Variants in MAP3K4 observed in about 807,000 individuals in gnomAD.
MAP3K4 encodes MAP three kinase 1.
MAP3K4 carries 67 observed loss-of-function variants against 185.6 expected under a neutral mutation model. The ratio of observed to expected loss-of-function variants is 0.36; its 90% CI spans 0.30 to 0.44. The LOEUF (loss-of-function observed/expected upper bound fraction) is 0.44, where lower values mean the gene tolerates loss of function less well. Ranked by LOEUF, MAP3K4 falls within the 20% of genes least tolerant of loss-of-function variation. The pLI, the probability that MAP3K4 is intolerant of heterozygous loss-of-function variation, is 1.00. For missense variants in MAP3K4, 1,551 were observed against 1,995.1 expected (o/e 0.78, Z 4.24); for synonymous variants, 702 against 710.4 (o/e 0.99, Z 0.19).
chr6:161,036,710 G>T (rs1214096761), intron 2 of MAP3K4, among the ~76,000 whole-genome samples: 3 of 152,134 alleles, frequency 2.0e-5, no homozygotes, highest in Admixed American at 1.3e-4. Flanking sequence ...CACCTCAAAA[G>T]AATTATCTTT....
chr6:161,019,831 A>G (rs1386234887), intron 1 of MAP3K4, among the ~76,000 whole-genome samples: 1 of 152,238 alleles, frequency 6.6e-6, no homozygotes, highest in Non-Finnish European at 1.5e-5. Context: ...TATGTTAACC[A>G]TTTAAAAAAA....
In MAP3K4 at chr6:161,071,358, T is replaced by C. The variant is rs1425829693; in HGVS notation, c.1950+508T>C. Among the ~76,000 whole-genome samples the C allele has an allele frequency of 3.3e-5, 5 of 152,158 alleles. No individual in the cohort carries two copies. Among genetic ancestry groups the C allele is most frequent in the Non-Finnish European group, 7.3e-5 (5 of 68,030 alleles). On this transcript the variant is annotated intron_variant, in intron 4 of 26. Coordinates refer to ENST00000392142, the MANE Select transcript of MAP3K4 (RefSeq NM_005922.4). This position sits in a 1 kb window ranked among gnomAD's most constrained non-coding sequence, Gnocchi z 4.6. ...ATCCCAGGAGCAGCAGCGGAATGGG[T>C]GGAAGCAGTTGTATCCAGCAGAGTG...
chr6:161,058,895 T>A (rs745435800), intron 3 of MAP3K4, among the ~76,000 whole-genome samples: 2 of 152,336 alleles, frequency 1.3e-5, no homozygotes, highest in Non-Finnish European at 2.9e-5. Context: ...GTGTAAACAA[T>A]GTAGCCACAG....
rs1362807293 is a variant in MAP3K4 at position 161,080,102 on chromosome 6, G to T, written c.2098-779G>T. Among the ~76,000 whole-genome samples the T allele has an allele frequency of 6.6e-6, 1 of 152,192 alleles. No homozygotes were observed. The highest frequency in any genetic ancestry group is 1.5e-5 in the Non-Finnish European group (1 of 68,034). On this transcript the variant is annotated intron_variant, in intron 5 of 26. Transcript: ENST00000392142. This position sits in a 1 kb window ranked among gnomAD's most constrained non-coding sequence, Gnocchi z 4.8. The stretch of plus-strand genomic sequence containing the variant: ...TCACGCTGAGTCACACTCGGGGTTG[G>T]AAGGGAGTGGAGTGATGTCTGAAAA...
rs1315559451 is a variant in MAP3K4 at position 161,017,978 on chromosome 6, A to G, written c.153-16281A>G. Among the ~76,000 whole-genome samples the G allele has an allele frequency of 6.6e-6, 1 of 152,210 alleles. No individual in the cohort carries two copies. Among genetic ancestry groups the G allele is most frequent in the Non-Finnish European group, 1.5e-5 (1 of 68,036 alleles). On this transcript the variant is annotated intron_variant, in intron 1 of 26. Transcript: ENST00000392142. This position sits in a 1 kb window ranked among gnomAD's most constrained non-coding sequence, Gnocchi z 5.1. ...ACTCTTCTTACGCTATTTGGAATAG[A>G]CTTGAGTATAGAGTGACTGTTTCAG... is the stretch of plus-strand genomic sequence containing the variant.
chr6:161,084,594 C>T lies in MAP3K4; in HGVS notation c.2349C>T (p.Asp783=), dbSNP rs570454695. Residue 783 remains aspartate, a synonymous_variant, in exon 7 of 27, where the codon GAC becomes GAT. Coordinates refer to ENST00000392142, the MANE Select transcript of MAP3K4 (RefSeq NM_005922.4). This position sits in a 1 kb window ranked among gnomAD's most constrained non-coding sequence, Gnocchi z 4.6. ...SCAEFWTSAD[D]SSASDEIRRS... is the part of the protein sequence containing the mutation. ...CTGAATTTTGGACTAGTGCGGATGA[C>T]AGCAGTGCTTCCGACGAAATCAGGT... 1.1e-5 allele frequency: 17 copies of T among 1,607,554 alleles called. No individual in the cohort carries two copies. The highest frequency in any genetic ancestry group is 2.2e-5 in the South Asian group (2 of 90,928).
chr6:161,106,595 G>A lies in MAP3K4; in HGVS notation c.3938G>A (p.Arg1313Lys), dbSNP rs1252731686. The A allele has an allele frequency of 1.9e-6, 3 of 1,613,824 alleles. No individual in the cohort carries two copies. In the African/African-American group the frequency reaches 4.0e-5, roughly 22 times the overall value. ...LFEEKRYREM[R>K]RKNIIGQVCD... is the part of the protein sequence containing the mutation. ...GAAGAAAAGAGGTACCGAGAAATGAGGAGAAAGAATATCATTGGTCAAGTT... is the reference window on the plus strand; with the variant it reads ...GAAGAAAAGAGGTACCGAGAAATGAAGAGAAAGAATATCATTGGTCAAGTT... Residue 1313 changes from arginine (R) to lysine (K), a missense_variant, in exon 20 of 27, where the codon AGG becomes AAG. Arg to Lys is a conservative substitution (Grantham distance 26). Transcript: ENST00000392142. This position sits in a 1 kb window ranked among gnomAD's most constrained non-coding sequence, Gnocchi z 4.9.
chr6:161,112,520 G>A lies in MAP3K4; in HGVS notation c.4520-148G>A. ...ACCTAAAAAGTTTGTTCAACAAGTTGACTTGAACTGTCTGTAAATTTTTGA... is the reference window on the plus strand; with the variant it reads ...ACCTAAAAAGTTTGTTCAACAAGTTAACTTGAACTGTCTGTAAATTTTTGA... On this transcript the variant is annotated intron_variant, in intron 24 of 26. Transcript: ENST00000392142. The surrounding 1 kb of genome is among the most constrained non-coding windows in gnomAD (Gnocchi z 5.1). 2.1e-6 allele frequency: 1 copy of A among 473,772 alleles called. No individual in the cohort carries two copies. Among genetic ancestry groups the A allele is most frequent in the Non-Finnish European group, 3.5e-6 (1 of 284,180 alleles). The allele number at this position is 473,772 out of a possible 1,614,324, so 29.3% of individuals were successfully genotyped here.
At chr6:161,089,905 A>G (rs1016165205) in intron 11 of MAP3K4, among the ~76,000 whole-genome samples, 6 of 152,212 alleles carry the variant, frequency 3.9e-5, no homozygotes, top group African/African-American at 1.4e-4. Context: ...TATAATAGAA[A>G]AAAGTTGCAG....
chr6:161,104,709 C>CAA (rs10688556), intron 19 of MAP3K4, among the ~76,000 whole-genome samples: 70,640 of 121,160 alleles, frequency 0.58, 21,055 homozygotes, highest in South Asian at 0.76. Flanking sequence ...GACTCCATCT[C>CAA]AAAAAAAAAA....
intron 1 of MAP3K4, among the ~76,000 whole-genome samples, chr6:160,997,077 A>G (rs1781030541): frequency 6.6e-6 from 1 of 152,088 alleles, no homozygotes; most frequent in African/African-American, 2.4e-5. Context: ...TTTAATCTTC[A>G]GTCTTTATAA....
chr6:161,097,012 C>G lies in MAP3K4; in HGVS notation c.3428-68C>G, dbSNP rs1050145664. ...AAGTGACATTCTATTTTCCATTTGA[C>G]TGTTTGGTTTGATGATTTTCTGTGG... On this transcript the variant is annotated intron_variant, in intron 15 of 26. Coordinates refer to ENST00000392142, the MANE Select transcript of MAP3K4 (RefSeq NM_005922.4). The surrounding 1 kb of genome is among the most constrained non-coding windows in gnomAD (Gnocchi z 4.9). 22 of 1,283,510 alleles carry G rather than the reference C, an allele frequency of 1.7e-5. No individual in the cohort carries two copies. Among genetic ancestry groups the G allele is most frequent in the Non-Finnish European group, 2.4e-5 (21 of 880,834 alleles). The allele number at this position is 1,283,510 out of a possible 1,614,324, so 79.5% of individuals were successfully genotyped here. A position where few individuals can be genotyped will look rare whatever the true frequency, so the allele number is the denominator to read the frequency against.
chr6:161,073,391 A>T lies in MAP3K4; in HGVS notation c.1951-75A>T, dbSNP rs920183793. 1.4e-5 allele frequency: 19 copies of T among 1,397,964 alleles called. No homozygotes were observed. The highest frequency in any genetic ancestry group is 8.8e-5 in the African/African-American group (6 of 67,946). 86.6% of individuals were successfully genotyped at this position (1,397,964 alleles called of 1,614,324 possible). ...TTCCCTCTGAGTTTTTTGAAGATTT[A>T]AGTAGGAAGATATAAAACACGGATC... On this transcript the variant is annotated intron_variant, in intron 4 of 26. Coordinates refer to ENST00000392142, the MANE Select transcript of MAP3K4 (RefSeq NM_005922.4). This position sits in a 1 kb window ranked among gnomAD's most constrained non-coding sequence, Gnocchi z 4.2.
At chr6:161,004,199 A>G (rs1781465430) in intron 1 of MAP3K4, among the ~76,000 whole-genome samples, 1 of 152,144 alleles carries the variant, frequency 6.6e-6, no homozygotes, top group Admixed American at 6.5e-5. Flanking sequence ...AAGATACTAG[A>G]TTCAAATTAA....
At chr6:161,044,528 C>G (rs1043855843) in intron 2 of MAP3K4, among the ~76,000 whole-genome samples, 3 of 152,190 alleles carry the variant, frequency 2.0e-5, no homozygotes, top group African/African-American at 7.2e-5. Flanking sequence ...ACCCCCGCAC[C>G]CAACACCCTA....
chr6:161,062,904 G>T (rs1784544164), intron 3 of MAP3K4, among the ~76,000 whole-genome samples: 1 of 101,740 alleles, frequency 9.8e-6, no homozygotes. Context: ...TAAATTTCTA[G>T]TGAGTTTCTT....
intron 3 of MAP3K4, among the ~76,000 whole-genome samples, chr6:161,065,925 A>AC (rs1562516813): frequency 1.1e-4 from 14 of 125,216 alleles, no homozygotes; most frequent in Non-Finnish European, 1.8e-4. Flanking sequence ...GCAAAAGAGC[A>AC]AGACTCCGTC....
intron 2 of MAP3K4, among the ~76,000 whole-genome samples, chr6:161,035,288 TTTC>T (rs1783114304): frequency 6.6e-6 from 1 of 152,200 alleles, no homozygotes; most frequent in Non-Finnish European, 1.5e-5. Flanking sequence ...GTCTGAGAAA[TTTC>T]TTCCTGTTGA....
chr6:161,044,442 A>G (rs1430640870), intron 2 of MAP3K4, among the ~76,000 whole-genome samples: 2 of 152,240 alleles, frequency 1.3e-5, no homozygotes, highest in South Asian at 2.1e-4. Context: ...TTGTTATTAA[A>G]AAGTTCCTTA....
Sources: gnomAD v4.1 joint callset for allele counts (sites outside exome capture counted in the v4.1 genomes callset) on GRCh38, gnomAD v4.1.1 for gene constraint, Gnocchi (gnomAD v3.1) non-coding constraint, MANE v1.5 for transcripts, NCBI Gene and HGNC (gene_info 2026-07-23, HGNC 2026-07-21) for gene names.